Variants in PNPLA8 observed in about 807,000 individuals in gnomAD.
The protein encoded by PNPLA8 is calcium-independent phospholipase A2-gamma.
In PNPLA8, 39 loss-of-function variants were observed where a neutral mutation model predicts 76.9. That is an observed-to-expected ratio of 0.51 (90% CI 0.39 to 0.66). The LOEUF is 0.66. PNPLA8 is among the 30% of genes least tolerant of loss of function. PNPLA8 has a pLI of 0.00. For missense variants in PNPLA8, 887 were observed against 918.0 expected (o/e 0.97, Z 0.44); for synonymous variants, 301 against 307.9 (o/e 0.98, Z 0.24).
chr7:108,500,486 G>A (rs978614859), intron 5 of PNPLA8, among the ~76,000 whole-genome samples: 1 of 152,124 alleles, frequency 6.6e-6, no homozygotes, highest in South Asian at 2.1e-4. Context: ...TATTAAATAT[G>A]TTCAAGAAAG....
intron 10 of PNPLA8, 105 bp downstream of exon 10, chr7:108,479,079 A>G: frequency 2.8e-6 from 2 of 718,594 alleles, no homozygotes; most frequent in Non-Finnish European, 4.8e-6. Context: ...TAAATCCACA[A>G]TACAGACATA....
rs192703979 is a variant in PNPLA8, at chr7:108,503,397, A to G, written c.1207-755T>C. Among the ~76,000 whole-genome samples, 114 of 152,310 alleles carry G rather than the reference A, an allele frequency of 7.5e-4. 1 individual carries two copies. Among genetic ancestry groups the G allele is most frequent in the African/African-American group, 2.6e-3 (109 of 41,572 alleles). On this transcript the variant is annotated intron_variant, in intron 4 of 10. Transcript: ENST00000257694. ...TGTAAATCAAACAATTTTCCTAGGT[A>G]TCACTCATTTTGTTTCTTTTTTATG...
chr7:108,484,397 C>CT (rs941750502), intron 9 of PNPLA8, among the ~76,000 whole-genome samples: 10 of 151,866 alleles, frequency 6.6e-5, no homozygotes, highest in African/African-American at 2.2e-4. Flanking sequence ...AATATTTTTT[C>CT]TTTTTTTGGT....
chr7:108,501,186 G>A (rs927455962), intron 5 of PNPLA8, among the ~76,000 whole-genome samples: 55 of 152,150 alleles, frequency 3.6e-4, no homozygotes, highest in African/African-American at 1.3e-3. Context: ...CATGTACTAT[G>A]AATTACAAGG....
At chr7:108,477,048 A>C (rs1041314692) in intron 10 of PNPLA8, among the ~76,000 whole-genome samples, 3 of 152,192 alleles carry the variant, frequency 2.0e-5, no homozygotes, top group Non-Finnish European at 4.4e-5. Flanking sequence ...CCTACTAGAG[A>C]TCTGACGTAC....
At chr7:108,522,275 C>T (rs1863795384) in intron 1 of PNPLA8, among the ~76,000 whole-genome samples, 1 of 146,232 alleles carries the variant, frequency 6.8e-6, no homozygotes, top group Admixed American at 6.9e-5. Context: ...GCCTGGGTGA[C>T]AGAGCGAGAC....
chr7:108,499,698 G>T (rs912938669), intron 5 of PNPLA8, among the ~76,000 whole-genome samples: 1 of 152,008 alleles, frequency 6.6e-6, no homozygotes, highest in Non-Finnish European at 1.5e-5. Flanking sequence ...TGTCCTTTAG[G>T]GAGCAAAATC....
At chr7:108,498,951 CAAG>C (rs1861752793) in intron 5 of PNPLA8, among the ~76,000 whole-genome samples, 1 of 152,090 alleles carries the variant, frequency 6.6e-6, no homozygotes, top group South Asian at 2.1e-4. Context: ...ATAATGTTAA[CAAG>C]AAGTAACTAG....
intron 7 of PNPLA8, among the ~76,000 whole-genome samples, chr7:108,493,261 C>T (rs914354705): frequency 6.6e-6 from 1 of 152,036 alleles, no homozygotes; most frequent in Non-Finnish European, 1.5e-5. Flanking sequence ...AAAAATGAGA[C>T]AGCAATACAT....
intron 10 of PNPLA8, among the ~76,000 whole-genome samples, chr7:108,477,652 T>G (rs114368406): frequency 0.012 from 1,801 of 152,154 alleles, 43 homozygotes; most frequent in African/African-American, 0.039. Flanking sequence ...TTAAAGTCAG[T>G]AGTTCAAGAC....
At chr7:108,479,152 T>G (rs371444467) in intron 10 of PNPLA8, 32 bp downstream of exon 10, 211 of 1,485,930 alleles carry the variant, frequency 1.4e-4, no homozygotes, top group Non-Finnish European at 1.8e-4. Flanking sequence ...TGCTAGAAGT[T>G]GAAGTATTTT....
At chr7:108,496,868 GT>G (rs1861588244) in intron 6 of PNPLA8, 113 bp from the exon 7 acceptor site, 2 of 776,962 alleles carry the variant, frequency 2.6e-6, no homozygotes, top group African/African-American at 3.7e-5. Context: ...TTCTAGCTAT[GT>G]CACCTGGGAC....
intron 10 of PNPLA8, among the ~76,000 whole-genome samples, chr7:108,475,205 C>T (rs987901375): frequency 5.3e-5 from 8 of 152,138 alleles, no homozygotes; most frequent in African/African-American, 1.9e-4. Flanking sequence ...AAGCTCAGGG[C>T]TCCCAATTCT....
Position 108,526,022 on chromosome 7 carries a change from T to A in PNPLA8, c.-130+7A>T, listed in dbSNP as rs1440663254. On this transcript the variant is annotated splice_region_variant and intron_variant, in intron 1 of 10. Transcript: ENST00000257694. The stretch of plus-strand genomic sequence containing the variant: ...CGTCCCGCCCCTGTCCCCTCGCGGC[T>A]ACTTACCGGGATGCAGGCCGCAGTC... 1.0e-6 allele frequency: 1 copy of A among 984,180 alleles called. No homozygotes were observed. The highest frequency in any genetic ancestry group is 1.7e-5 in the African/African-American group (1 of 57,222). The allele number at this position is 984,180 out of a possible 1,614,324, so 61.0% of individuals were successfully genotyped here.
At position 108,514,475 on chromosome 7, in the gene PNPLA8, A is replaced by T; in HGVS notation, c.1017T>A (p.Asn339Lys). ...GAGATAAACGCTTTTTCTCCTCTGC[A>T]TTTCTGTCTTTGCTGACAGCCTGAT... is the stretch of plus-strand genomic sequence containing the variant. Reference protein sequence around the residue: ...KTDQAVSKDRNAEEKKRLSLQ... With the variant: ...KTDQAVSKDRKAEEKKRLSLQ... The change falls in exon 3 of 11, where the codon AAT becomes AAA. Residue 339 changes from asparagine to lysine, a missense_variant. Transcript: ENST00000257694. The T allele has an allele frequency of 6.2e-7, 1 of 1,613,360 alleles. No homozygotes were observed.
chr7:108,496,687 T>G lies in PNPLA8; in HGVS notation c.1522A>C (p.Lys508Gln). Reference protein sequence around the residue: ...PLDECEELYRKLGSDVFSQNV... With the variant: ...PLDECEELYRQLGSDVFSQNV... ...TGTGAAAATACATCTGATCCTAATT[T>G]TCGATAAAGTTCCTCACATTCATCC... The change falls in exon 7 of 11, where the codon AAA (lysine) becomes CAA (glutamine). Residue 508 changes from lysine (K) to glutamine (Q), a missense_variant. By Grantham distance (53) the Lys-to-Gln change is moderately conservative. Transcript: ENST00000257694. 1.2e-6 allele frequency: 2 copies of G among 1,611,814 alleles called. No homozygotes were observed. Among genetic ancestry groups the G allele is most frequent in the Non-Finnish European group, 1.7e-6 (2 of 1,178,766 alleles).
At chr7:108,523,626 A>G (rs1437733134) in intron 1 of PNPLA8, among the ~76,000 whole-genome samples, 1 of 152,196 alleles carries the variant, frequency 6.6e-6, no homozygotes, top group East Asian at 1.9e-4. Context: ...AAATACCCCT[A>G]AGAAAAAATC....
intron 2 of PNPLA8, among the ~76,000 whole-genome samples, chr7:108,517,175 A>T (rs1464911654): frequency 1.3e-5 from 2 of 152,222 alleles, no homozygotes; most frequent in Non-Finnish European, 2.9e-5. Context: ...ATCATATGTC[A>T]TCAGGAAAAT....
At chr7:108,511,927 T>C (rs1862963112) in intron 4 of PNPLA8, among the ~76,000 whole-genome samples, 1 of 152,210 alleles carries the variant, frequency 6.6e-6, no homozygotes, top group Admixed American at 6.5e-5. Context: ...AATACACTGT[T>C]TGCTTCCCCT....
Sources: allele counts gnomAD v4.1 joint callset (sites outside exome capture counted in the v4.1 genomes callset), GRCh38; gene constraint gnomAD v4.1.1; transcripts MANE v1.5; gene names NCBI Gene and HGNC (gene_info 2026-07-23, HGNC 2026-07-21).